Variants in SLC20A2 observed in about 807,000 individuals in gnomAD.
SLC20A2 encodes solute carrier family 20 member 2, also known as sodium-dependent phosphate transporter 2.
A neutral mutation model predicts 61.0 loss-of-function variants in SLC20A2; 30 were observed. The observed-to-expected ratio is 0.49, with a 90% confidence interval of 0.37 to 0.67. The LOEUF (loss-of-function observed/expected upper bound fraction) is 0.67. Ranked by LOEUF, SLC20A2 falls within the 30% of genes least tolerant of loss-of-function variation. The pLI, the probability that SLC20A2 is intolerant of heterozygous loss-of-function variation, is 0.00. For synonymous variants in SLC20A2, 351 were observed against 353.3 expected (o/e 0.99, Z 0.07); for missense variants, 626 against 866.4 (o/e 0.72, Z 3.48).
At position 42,519,174 on chromosome 8, in the gene SLC20A2, G is replaced by A. The variant is rs142046015; in HGVS notation, c.-265+22647C>T. 4.7e-3 allele frequency among the ~76,000 whole-genome samples: 720 copies of A among 152,284 alleles called. 17 individuals are homozygous for A. The highest frequency in any genetic ancestry group is 0.038 in the Admixed American group (578 of 15,294). ...TTTTTAAAAAATACTGACCAGGCAC[G>A]GTGGCTCACGCCTGTAATCCCAGCA... On this transcript the variant is annotated intron_variant, in intron 1 of 10. Coordinates refer to the SLC20A2 transcript ENST00000342228.
chr8:42,432,353 G>T (rs1803933844), intron 8 of SLC20A2, among the ~76,000 whole-genome samples: 1 of 152,204 alleles, frequency 6.6e-6, no homozygotes, highest in Admixed American at 6.5e-5. Flanking sequence ...CTGAACTACT[G>T]CAATCTCATG....
At chr8:42,422,272 C>T (rs533427938) in intron 10 of SLC20A2, among the ~76,000 whole-genome samples, 4 of 152,234 alleles carry the variant, frequency 2.6e-5, no homozygotes, top group Non-Finnish European at 4.4e-5. Flanking sequence ...AGGCTGGTCT[C>T]GAACTCCTGA....
intron 8 of SLC20A2, among the ~76,000 whole-genome samples, chr8:42,434,229 A>G (rs1804069924): frequency 6.6e-6 from 1 of 151,982 alleles, no homozygotes; most frequent in Non-Finnish European, 1.5e-5. Context: ...TGGGACCACA[A>G]GTGCCCAGAA....
chr8:42,478,555 G>A (rs750195474), intron 1 of SLC20A2, among the ~76,000 whole-genome samples: 2 of 152,060 alleles, frequency 1.3e-5, no homozygotes, highest in East Asian at 1.9e-4. Context: ...CTTGCCACAC[G>A]ACCCAGCAGC....
intron 1 of SLC20A2, among the ~76,000 whole-genome samples, chr8:42,473,232 G>C (rs1038004563): frequency 6.6e-6 from 1 of 152,214 alleles, no homozygotes; most frequent in Admixed American, 6.5e-5. Flanking sequence ...ACAGGCCCCA[G>C]AGAGGAAAAG....
intron 1 of SLC20A2, among the ~76,000 whole-genome samples, chr8:42,476,182 C>T (rs1808087985): frequency 6.7e-6 from 1 of 148,818 alleles, no homozygotes; most frequent in African/African-American, 2.5e-5. Context: ...CTGCAAGCTC[C>T]GCCTCCTGGG....
intron 1 of SLC20A2, among the ~76,000 whole-genome samples, chr8:42,482,844 G>T (rs1254883096): frequency 6.6e-6 from 1 of 152,020 alleles, no homozygotes; most frequent in East Asian, 1.9e-4. Flanking sequence ...TGGCCAACAT[G>T]GTGAAAATCT....
intron 10 of SLC20A2, among the ~76,000 whole-genome samples, chr8:42,425,273 A>G (rs1013698796): frequency 6.6e-6 from 1 of 152,216 alleles, no homozygotes; most frequent in East Asian, 1.9e-4. Flanking sequence ...ATGCAATTCA[A>G]CTATGACTCT....
intron 8 of SLC20A2, among the ~76,000 whole-genome samples, chr8:42,430,753 G>T (rs769550381): frequency 2.0e-5 from 3 of 152,188 alleles, no homozygotes; most frequent in African/African-American, 7.2e-5. Flanking sequence ...ATGTGCTCAC[G>T]TCATGTCTCT....
At chr8:42,528,353 G>A (rs2923426) in intron 1 of SLC20A2, among the ~76,000 whole-genome samples, 1 of 151,662 alleles carries the variant, frequency 6.6e-6, no homozygotes, top group African/African-American at 2.4e-5. Flanking sequence ...TCCCAGCTAC[G>A]CAGGAGGCTG....
At chr8:42,456,747 A>C (rs1446409255) in intron 5 of SLC20A2, among the ~76,000 whole-genome samples, 4 of 151,118 alleles carry the variant, frequency 2.6e-5, no homozygotes, top group African/African-American at 7.3e-5. Context: ...AAAAAAAAAA[A>C]AAAAAAAACA....
At chr8:42,440,214 C>T (rs1266681387) in intron 6 of SLC20A2, among the ~76,000 whole-genome samples, 2 of 151,990 alleles carry the variant, frequency 1.3e-5, no homozygotes, top group African/African-American at 4.8e-5. Flanking sequence ...TATCCAAAAA[C>T]AACAACCAAA....
At chr8:42,447,123 CTTG>C (rs1222140635) in intron 5 of SLC20A2, among the ~76,000 whole-genome samples, 3 of 152,040 alleles carry the variant, frequency 2.0e-5, no homozygotes, top group East Asian at 1.9e-4. Context: ...GAGAGGATCA[CTTG>C]AAGCCAGGAG....
At chr8:42,434,667 G>A (rs758739741) in intron 8 of SLC20A2, among the ~76,000 whole-genome samples, 24 of 152,134 alleles carry the variant, frequency 1.6e-4, no homozygotes, top group African/African-American at 2.2e-4. Context: ...CTGAGGCCTC[G>A]GGGCTCAACC....
chr8:42,538,205 C>T (rs1249394405), intron 1 of SLC20A2: 1 of 148,942 alleles, frequency 6.7e-6, no homozygotes, highest in Non-Finnish European at 1.5e-5. Context: ...TAAATATAAA[C>T]CTACTCTGTA....
intron 5 of SLC20A2, among the ~76,000 whole-genome samples, chr8:42,456,144 A>G (rs1205957051): frequency 2.6e-5 from 4 of 152,088 alleles, no homozygotes; most frequent in Non-Finnish European, 4.4e-5. Context: ...GAAGAGATGG[A>G]AAAAAAAGGC....
intron 1 of SLC20A2, among the ~76,000 whole-genome samples, chr8:42,531,431 G>A (rs1313114418): frequency 1.3e-5 from 2 of 152,104 alleles, no homozygotes; most frequent in African/African-American, 4.8e-5. Context: ...CACCATGAAT[G>A]TGATATATAA....
chr8:42,485,667 G>T (rs1172524272), intron 1 of SLC20A2, among the ~76,000 whole-genome samples: 1 of 141,076 alleles, frequency 7.1e-6, no homozygotes, highest in East Asian at 2.0e-4. Flanking sequence ...AAAAAAAAAG[G>T]CCAGATGCGG....
intron 3 of SLC20A2, among the ~76,000 whole-genome samples, chr8:42,464,120 TTTTG>T: frequency 1.9e-5 from 2 of 107,634 alleles, no homozygotes; most frequent in Non-Finnish European, 3.6e-5. Flanking sequence ...TTTTTTTTTT[TTTTG>T]AGACAGGGTC....
Sources: gnomAD v4.1 joint callset for allele counts (sites outside exome capture counted in the v4.1 genomes callset) on GRCh38, gnomAD v4.1.1 for gene constraint, MANE v1.5 for transcripts, NCBI Gene and HGNC (gene_info 2026-07-23, HGNC 2026-07-21) for gene names.